Variants in SI observed in about 807,000 individuals in gnomAD.
SI encodes the protein sucrase-isomaltase.
In SI, 235 loss-of-function variants were observed where a neutral mutation model predicts 253.3. The ratio of observed to expected loss-of-function variants is 0.93; its 90% confidence interval spans 0.83 to 1.03. The LOEUF is 1.03. Ranked by LOEUF, SI falls within the 50% of genes least tolerant of loss-of-function variation. The probability of loss-of-function intolerance (pLI) is 0.00; values close to 1 mark genes in which losing one functional copy is unlikely to be tolerated. For missense variants in SI, 2,442 were observed against 2,211.1 expected, an observed-to-expected ratio of 1.10 and a Z score of -2.09; for synonymous variants, 819 against 712.0, an observed-to-expected ratio of 1.15 and a Z score of -2.39.
chr3:165,085,286 ATCAAT>A, the SI span, among the ~76,000 whole-genome samples: 4 of 152,174 alleles, frequency 2.6e-5, no homozygotes, highest in African/African-American at 9.6e-5. Context: ...TACATTTGAA[ATCAAT>A]TCAAGTATAA....
chr3:165,006,749 T>G, intron 37 of SI, 67 bp downstream of exon 37: 1 of 1,397,818 alleles, frequency 7.2e-7, no homozygotes, highest in Non-Finnish European at 1.0e-6. Flanking sequence ...ACTGTTAAAA[T>G]GATAACATTA....
rs1192042416 is a variant in SI at position 165,009,395 on chromosome 3, C to T, written c.4063G>A (p.Ala1355Thr). The T allele has an allele frequency of 1.3e-6, 2 of 1,584,298 alleles. No homozygotes were observed. The highest frequency in any genetic ancestry group is 1.3e-5 in the African/African-American group (1 of 74,220). The change falls in exon 35 of 48, where the codon GCT (alanine) becomes ACT (threonine). Residue 1355 changes from alanine to threonine, a missense_variant and splice_region_variant. Transcript: ENST00000264382. The part of the protein sequence containing the change: ...KTLTEDEAVN[A>T]SRAHVAFPDF... ...GGGAAAGCTACATGAGCTCTGGAAG[C>T]CTGTAAAACCAAAATTTAGGCTCAC...
chr3:165,074,529 A>G lies in SI; in HGVS notation c.255+2T>C, dbSNP rs1256046285. On this transcript the variant is annotated splice_donor_variant, in intron 3 of 47. Coordinates refer to ENST00000264382, the MANE Select transcript of SI (RefSeq NM_001041.4). LOFTEE classifies it high-confidence loss of function. ...AAAATATTAAAGACTTTTGCTGCAG[A>G]CCTCTGTTGGGAATTGTTCTGGAAT... is the stretch of plus-strand genomic sequence containing the variant. 1 of 1,595,398 alleles carries G rather than the reference A, an allele frequency of 6.3e-7. No homozygotes were observed. The highest frequency in any genetic ancestry group is 8.6e-7 in the Non-Finnish European group (1 of 1,168,554).
intron 3 of SI, among the ~76,000 whole-genome samples, chr3:165,071,919 G>C (rs1714604212): frequency 6.6e-6 from 1 of 152,106 alleles, no homozygotes; most frequent in South Asian, 2.1e-4. Context: ...GCGGAATTTT[G>C]TTATGGCAGC....
At chr3:165,006,077 T>C (rs1372496838) in intron 37 of SI, among the ~76,000 whole-genome samples, 2 of 152,160 alleles carry the variant, frequency 1.3e-5, no homozygotes, top group African/African-American at 2.4e-5. Flanking sequence ...AAAAGTGCTC[T>C]AATTTACTAA....
chr3:165,053,143 G>T (rs563737912), intron 13 of SI, among the ~76,000 whole-genome samples: 11 of 151,686 alleles, frequency 7.3e-5, no homozygotes, highest in Admixed American at 4.6e-4. Context: ...GTAGGCTTTT[G>T]TTTCTCAACT....
Position 165,049,205 on chromosome 3 carries a change from A to T in SI, c.1637T>A (p.Met546Lys), listed in dbSNP as rs754426252. ...TTTACCCCAGTTCTGCACAGCATCCATGCAAATTGTTTTGGAATACATGAG... is the reference window on the plus strand; with the variant it reads ...TTTACCCCAGTTCTGCACAGCATCCTTGCAAATTGTTTTGGAATACATGAG... The part of the protein sequence containing the change: ...DKLMYSKTIC[M>K]DAVQNWGKQY... Residue 546 changes from methionine to lysine, a missense_variant, in exon 15 of 48, where the codon ATG becomes AAG. Transcript: ENST00000264382. 4 of 1,611,372 alleles carry T rather than the reference A, an allele frequency of 2.5e-6. No homozygotes were observed. The highest frequency in any genetic ancestry group is 1.3e-5 in the African/African-American group (1 of 74,904).
chr3:165,055,062 A>G (rs1713629476), intron 13 of SI, 132 bp downstream of exon 13: 1 of 624,774 alleles, frequency 1.6e-6, no homozygotes, highest in Admixed American at 2.8e-5. Context: ...CATTCTGGGA[A>G]AAAACATTAT....
Position 165,030,822 on chromosome 3 carries a change from T to G in SI, c.2782A>C (p.Ser928Arg). ...DLKLNLGRNF[S>R]VQWNQIFSEN... is the part of the protein sequence containing the mutation. ...GAGAAAATTTGATTCCATTGAACAC[T>G]AAAGTTTCTTCCAAGATTAAGTTTG... Residue 928 changes from serine (S) to arginine (R), a missense_variant, in exon 25 of 48, where the codon AGT becomes CGT. Coordinates refer to ENST00000264382, the MANE Select transcript of SI (RefSeq NM_001041.4). 1 of 1,572,508 alleles carries G rather than the reference T, an allele frequency of 6.4e-7. No homozygotes were observed. Among genetic ancestry groups the G allele is most frequent in the Non-Finnish European group, 8.6e-7 (1 of 1,162,442 alleles).
intron 40 of SI, among the ~76,000 whole-genome samples, chr3:164,995,878 C>T (rs572670981): frequency 1.7e-4 from 26 of 151,670 alleles, no homozygotes; most frequent in Non-Finnish European, 3.5e-4. Context: ...GCAAGGACTT[C>T]GTAAATATGA....
At chr3:165,073,423 G>A (rs1168883769) in intron 3 of SI, among the ~76,000 whole-genome samples, 1 of 151,866 alleles carries the variant, frequency 6.6e-6, no homozygotes, top group Admixed American at 6.6e-5. Flanking sequence ...TAAGCTATAG[G>A]ACCTATTACT....
At chr3:165,040,287 G>T (rs1218954190) in intron 18 of SI, among the ~76,000 whole-genome samples, 1 of 147,486 alleles carries the variant, frequency 6.8e-6, no homozygotes, top group Non-Finnish European at 1.5e-5. Flanking sequence ...AGTAGAAAAG[G>T]GGTAGGGAAG....
intron 3 of SI, among the ~76,000 whole-genome samples, chr3:165,071,749 C>T (rs1213398978): frequency 6.6e-6 from 1 of 151,876 alleles, no homozygotes; most frequent in East Asian, 1.9e-4. Flanking sequence ...TCTCTGTGCA[C>T]GAAGAGGAAA....
intron 17 of SI, among the ~76,000 whole-genome samples, chr3:165,041,316 AT>A (rs1240301270): frequency 2.6e-5 from 4 of 152,150 alleles, no homozygotes; most frequent in Non-Finnish European, 4.4e-5. Context: ...ATTTCAACAT[AT>A]TTAAAGCGTT....
chr3:165,040,096 G>T (rs1214326875), intron 18 of SI, 125 bp from the exon 19 acceptor site: 3 of 767,526 alleles, frequency 3.9e-6, no homozygotes, highest in Non-Finnish European at 4.6e-6. Flanking sequence ...GCTTGTTTCA[G>T]ATGACATTTT....
In SI at chr3:165,017,905, C is replaced by T. The variant is rs199566958; in HGVS notation, c.3521-32G>A. 1.3e-4 allele frequency: 206 copies of T among 1,576,732 alleles called. No individual in the cohort carries two copies. In the African/African-American group the frequency reaches 2.6e-3, roughly 20 times the overall value. Reference sequence around the variant, plus strand: ...ATCCAAAATAACATCCCATTTTCATCTATGTATACTAGTTTATGAAAAAGT... The same window carrying T: ...ATCCAAAATAACATCCCATTTTCATTTATGTATACTAGTTTATGAAAAAGT... On this transcript the variant is annotated intron_variant, in intron 29 of 47. Coordinates refer to ENST00000264382, the MANE Select transcript of SI (RefSeq NM_001041.4).
rs760804091 is a variant in SI at position 165,039,914 on chromosome 3, T to C, written c.2217A>G (p.Ala739=). The change falls in exon 19 of 48, where the codon GCA becomes GCG. Residue 739 remains alanine, a synonymous_variant. Transcript: ENST00000264382. ...IEDTEFLWGP[A]LLITPVLKQG... is the part of the protein sequence containing the mutation. The stretch of plus-strand genomic sequence containing the variant: ...GTTTTAGAACAGGAGTAATAAGTAA[T>C]GCAGGGCCCCACAAAAACTCAGTGT... 9.9e-6 allele frequency: 16 copies of C among 1,613,156 alleles called. No homozygotes were observed. Among genetic ancestry groups the C allele is most frequent in the African/African-American group, 1.3e-5 (1 of 74,980 alleles).
At chr3:165,065,493 A>ATATATATATATATATATATATATATATC (rs1670213223) in intron 6 of SI, 61 bp from the exon 7 acceptor site, 1 of 271,168 alleles carries the variant, frequency 3.7e-6, no homozygotes. Context: ...ATATATATAT[A>ATATATATATATATATATATATATATATC]TGATATTCTA....
intron 37 of SI, among the ~76,000 whole-genome samples, chr3:165,001,621 AATTGTATCAATGTTCT>A (rs1174147715): frequency 2.6e-5 from 4 of 151,406 alleles, no homozygotes; most frequent in African/African-American, 9.7e-5. Context: ...TTGATATACC[AATTGTATCAATGTTCT>A]ATTCATCTAT....
Sources: allele counts gnomAD v4.1 joint callset (sites outside exome capture counted in the v4.1 genomes callset), GRCh38; gene constraint gnomAD v4.1.1; transcripts MANE v1.5; gene names NCBI Gene and HGNC (gene_info 2026-07-23, HGNC 2026-07-21).